The following ATP5F1B variants were observed in gnomAD, a reference collection of about 807,000 sequenced individuals.
The protein encoded by ATP5F1B is ATP synthase F(1) complex subunit beta, mitochondrial.
ATP5F1B carries 17 observed loss-of-function variants against 45.9 expected under a neutral mutation model. The observed-to-expected ratio is 0.37, with a 90% CI of 0.25 to 0.56. The LOEUF is 0.56. ATP5F1B is among the 20% of genes least tolerant of loss of function. ATP5F1B has a pLI of 0.80. For missense variants in ATP5F1B, 387 were observed against 673.2 expected (o/e 0.57, Z 4.70); for synonymous variants, 218 against 256.5 (o/e 0.85, Z 1.43).
rs551074670 is a variant in ATP5F1B at position 56,640,255 on chromosome 12, G to T, written c.1075-63C>A. On this transcript the variant is annotated intron_variant, in intron 7 of 9. Transcript: ENST00000262030. ...AATTTTTTTTTTTTTTTTTGAGAGGGTCTCGCTCTGTCGCCCAGGCTGGAG... is the reference window on the plus strand; with the variant it reads ...AATTTTTTTTTTTTTTTTTGAGAGGTTCTCGCTCTGTCGCCCAGGCTGGAG... 1,464 of 1,336,346 alleles carry T rather than the reference G, an allele frequency of 1.1e-3. 2 individuals carry two copies. The highest frequency in any genetic ancestry group is 1.4e-3 in the Non-Finnish European group (1,324 of 966,416). 82.8% of individuals were successfully genotyped at this position (1,336,346 alleles called of 1,614,324 possible). A position where few individuals can be genotyped will look rare whatever the true frequency, so the allele number is the denominator to read the frequency against.
intron 4 of ATP5F1B, 80 bp downstream of exon 4, chr12:56,643,757 T>C (rs1036777008): frequency 1.9e-6 from 3 of 1,592,472 alleles, no homozygotes; most frequent in Admixed American, 1.7e-5. Flanking sequence ...GAGGAATAGA[T>C]GTCAATATCC....
Position 56,642,744 on chromosome 12 carries a change from TG to T in ATP5F1B, c.879del (p.Phe293LeufsTer75). On this transcript the variant is annotated frameshift_variant, in exon 6 of 10. Transcript: ENST00000262030. LOFTEE classifies it high-confidence loss of function. ...ALTGLTVAEY[F>X]RDQEGQDVLL... ...AGTACATCTTGACCTTCTTGGTCTC[TG>T]AAGTATTCAGCCACAGTCAGCCCAG... The T allele has an allele frequency of 6.2e-7, 1 of 1,614,190 alleles. No homozygotes were observed. Among genetic ancestry groups the T allele is most frequent in the Non-Finnish European group, 8.5e-7 (1 of 1,180,024 alleles).
chr12:56,645,750 T>C, intron 1 of ATP5F1B, 87 bp downstream of exon 1: 1 of 1,555,654 alleles, frequency 6.4e-7, no homozygotes, highest in Non-Finnish European at 8.7e-7. Flanking sequence ...ACACCACGGA[T>C]CCCTTAGGCC....
chr12:56,645,959 A>G lies in ATP5F1B; in HGVS notation c.5T>C (p.Leu2Ser). The G allele has an allele frequency of 6.2e-7, 1 of 1,602,354 alleles. No individual in the cohort carries two copies. The highest frequency in any genetic ancestry group is 1.1e-5 in the South Asian group (1 of 89,412). Residue 2 changes from leucine to serine, a missense_variant, in exon 1 of 10, where the codon TTG (leucine) becomes TCG (serine). By Grantham distance (145) the Leu-to-Ser change is moderately radical (BLOSUM62 -2). This residue lies in a region of ATP5F1B where 76 missense variants were observed against 62.0 expected (regional missense o/e 1.23). Transcript: ENST00000262030. ...AGCGGCCACCCGACCCACAAACCCC[A>G]ACATGGCGTAGTCCGGGTGGAGACT... is the stretch of plus-strand genomic sequence containing the variant. MLGFVGRVAAAP... is the reference protein window; with the variant it reads MSGFVGRVAAAP...
chr12:56,639,008 A>G (rs1951492516), intron 9 of ATP5F1B, 98 bp downstream of exon 9: 2 of 1,156,464 alleles, frequency 1.7e-6, no homozygotes, highest in Non-Finnish European at 2.5e-6. Flanking sequence ...TAAATTAAAA[A>G]ATATAATTAA....
chr12:56,639,845 C>G (rs1216808013), intron 8 of ATP5F1B, 135 bp downstream of exon 8: 1 of 795,736 alleles, frequency 1.3e-6, no homozygotes, highest in African/African-American at 1.7e-5. Flanking sequence ...ACCTCATTAG[C>G]TCTCACTAGC....
chr12:56,645,472 T>C, intron 1 of ATP5F1B, 119 bp from the exon 2 acceptor site: 1 of 1,188,090 alleles, frequency 8.4e-7, no homozygotes, highest in South Asian at 1.6e-5. Context: ...TTTCCGCTTG[T>C]ACGGAACGCG....
chr12:56,644,547 G>A (rs1404783922), intron 3 of ATP5F1B, among the ~76,000 whole-genome samples: 1 of 151,898 alleles, frequency 6.6e-6, no homozygotes, highest in Non-Finnish European at 1.5e-5. Context: ...GGAGGTGGAG[G>A]TTGCAGTGAG....
chr12:56,642,056 C>T (rs969169734), intron 7 of ATP5F1B, among the ~76,000 whole-genome samples: 2 of 151,630 alleles, frequency 1.3e-5, no homozygotes, highest in African/African-American at 2.4e-5. Context: ...GAGTGCAGTG[C>T]CCCAATCTTG....
chr12:56,642,366 A>T, intron 7 of ATP5F1B, 92 bp downstream of exon 7: 1 of 1,554,102 alleles, frequency 6.4e-7, no homozygotes, highest in South Asian at 1.2e-5. Context: ...GGCTCAAGCA[A>T]TCTTCCTGCC....
In ATP5F1B at chr12:56,640,205, C is replaced by G. The variant is rs1394993973; in HGVS notation, c.1075-13G>C. On this transcript the variant is annotated splice_polypyrimidine_tract_variant and intron_variant, in intron 7 of 9. Transcript: ENST00000262030. ...GCACATAGATAGCCTAAAGTGAGATCCCATGAAGAACAGGAACCAAAGTAA... is the reference window on the plus strand; with the variant it reads ...GCACATAGATAGCCTAAAGTGAGATGCCATGAAGAACAGGAACCAAAGTAA... The G allele has an allele frequency of 1.2e-6, 2 of 1,610,518 alleles. No homozygotes were observed. The highest frequency in any genetic ancestry group is 4.5e-5 in the East Asian group (2 of 44,812).
At chr12:56,642,883 C>A in intron 5 of ATP5F1B, 52 bp from the exon 6 acceptor site, 1 of 1,591,622 alleles carries the variant, frequency 6.3e-7, no homozygotes, top group Non-Finnish European at 8.6e-7. Flanking sequence ...AGAGAAGCCA[C>A]ATACTGAAGG....
intron 1 of ATP5F1B, 99 bp from the exon 2 acceptor site, chr12:56,645,452 G>C: frequency 7.5e-7 from 1 of 1,341,418 alleles, no homozygotes; most frequent in Non-Finnish European, 1.0e-6. Context: ...CTCAGCCGAA[G>C]TCAGGCCTCT....
chr12:56,645,485 T>C, intron 1 of ATP5F1B, 132 bp from the exon 2 acceptor site: 3 of 1,099,252 alleles, frequency 2.7e-6, no homozygotes, highest in Non-Finnish European at 3.8e-6. Flanking sequence ...GGAACGCGTG[T>C]CCAAGAGGGA....
intron 9 of ATP5F1B, 36 bp from the exon 10 acceptor site, chr12:56,638,459 A>T: frequency 6.7e-7 from 1 of 1,494,808 alleles, no homozygotes; most frequent in Non-Finnish European, 9.3e-7. Context: ...AAGAGTAAGA[A>T]GCGGAGGGAT....
intron 5 of ATP5F1B, 32 bp downstream of exon 5, chr12:56,643,371 A>C: frequency 1.3e-6 from 2 of 1,580,870 alleles, no homozygotes; most frequent in Non-Finnish European, 1.7e-6. Flanking sequence ...TGGCGTAACT[A>C]CCACGTGGAC....
rs941727482 is a variant in ATP5F1B, at chr12:56,640,202, G to T, written c.1075-10C>A. ...CAGGCACATAGATAGCCTAAAGTGAGATCCCATGAAGAACAGGAACCAAAG... is the reference window on the plus strand; with the variant it reads ...CAGGCACATAGATAGCCTAAAGTGATATCCCATGAAGAACAGGAACCAAAG... On this transcript the variant is annotated splice_polypyrimidine_tract_variant and intron_variant, in intron 7 of 9. Transcript: ENST00000262030. The T allele has an allele frequency of 3.1e-6, 5 of 1,609,730 alleles. No individual in the cohort carries two copies. The highest frequency in any genetic ancestry group is 4.2e-6 in the Non-Finnish European group (5 of 1,177,500).
chr12:56,642,585 A>G lies in ATP5F1B; in HGVS notation c.952-5T>C. ...TCGGCCCAATAATGCAGACACCTAA[A>G]AGAAAAAAAGGTCTTAGGTGTCTAC... On this transcript the variant is annotated splice_polypyrimidine_tract_variant and splice_region_variant and intron_variant, in intron 6 of 9. Coordinates refer to ENST00000262030, the MANE Select transcript of ATP5F1B (RefSeq NM_001686.4). The G allele has an allele frequency of 6.2e-7, 1 of 1,614,108 alleles. No individual in the cohort carries two copies. The highest frequency in any genetic ancestry group is 1.1e-5 in the South Asian group (1 of 91,080).
chr12:56,640,078 C>T lies in ATP5F1B; in HGVS notation c.1189G>A (p.Ala397Thr). 1 of 1,614,084 alleles carries T rather than the reference C, an allele frequency of 6.2e-7. No homozygotes were observed. Among genetic ancestry groups the T allele is most frequent in the Non-Finnish European group, 8.5e-7 (1 of 1,180,022 alleles). ...RAIAELGIYP[A>T]VDPLDSTSRI... is the part of the protein sequence containing the mutation. ...GAGGTGGAGTCTAGAGGATCCACAG[C>T]TGGATAGATGCCCAGCTCAGCAATG... is the stretch of plus-strand genomic sequence containing the variant. The change falls in exon 8 of 10, where the codon GCT (alanine) becomes ACT (threonine). Residue 397 changes from alanine (A) to threonine (T), a missense_variant. Physicochemically the swap from Ala to Thr is moderately conservative, Grantham distance 58. Transcript: ENST00000262030.
Sources: allele counts gnomAD v4.1 joint callset (sites outside exome capture counted in the v4.1 genomes callset), GRCh38; gene constraint gnomAD v4.1.1; regional missense constraint gnomAD v4.1.1; transcripts MANE v1.5; gene names NCBI Gene and HGNC (gene_info 2026-07-23, HGNC 2026-07-21).